ANKRD28: variants seen among roughly 807,000 people sequenced by gnomAD.
ANKRD28 encodes the protein serine/threonine-protein phosphatase 6 regulatory ankyrin repeat subunit A.
Under a neutral mutation model 126.5 loss-of-function variants are expected in ANKRD28, and 44 were observed. That is an observed-to-expected ratio of 0.35 (90% CI 0.27 to 0.45). The LOEUF (loss-of-function observed/expected upper bound fraction) is 0.45. Among genes scored for constraint, ANKRD28 ranks in the 20% least tolerant of loss-of-function variants. The pLI is 1.00. For missense variants in ANKRD28, 1,110 were observed against 1,316.6 expected, an observed-to-expected ratio of 0.84 and a Z score of 2.43; for synonymous variants, 442 against 468.5, an observed-to-expected ratio of 0.94 and a Z score of 0.73.
rs1420499441 is a variant in ANKRD28 at position 15,854,513 on chromosome 3, G to A, written c.27+4864C>T. 1.3e-5 allele frequency among the ~76,000 whole-genome samples: 2 copies of A among 152,172 alleles called. No homozygotes were observed. The highest frequency in any genetic ancestry group is 2.4e-5 in the African/African-American group (1 of 41,444). The stretch of plus-strand genomic sequence containing the variant: ...TCTGCACCTCTTACAGAGCTCACCA[G>A]GTTCTATTTTGTATTGCAAAAGGTA... On this transcript the variant is annotated intron_variant, in intron 1 of 27. Coordinates refer to the ANKRD28 transcript ENST00000399451. This position sits in a 1 kb window ranked among gnomAD's most constrained non-coding sequence, Gnocchi z 4.1.
intron 4 of ANKRD28, among the ~76,000 whole-genome samples, chr3:15,741,871 C>T (rs1015431032): frequency 4.0e-5 from 6 of 151,442 alleles, no homozygotes; most frequent in South Asian, 2.1e-4. Flanking sequence ...CGAGTGCCTG[C>T]GATTGCAGGC....
At chr3:15,754,468 A>G (rs1476719406) in intron 3 of ANKRD28, among the ~76,000 whole-genome samples, 1 of 152,220 alleles carries the variant, frequency 6.6e-6, no homozygotes, top group Non-Finnish European at 1.5e-5. Context: ...GCTTCCTTTA[A>G]GTGAAAAGAT....
chr3:15,673,113 A>G (rs1162531658), intron 27 of ANKRD28, among the ~76,000 whole-genome samples: 2 of 152,198 alleles, frequency 1.3e-5, no homozygotes, highest in African/African-American at 2.4e-5. Context: ...CTTTGCTTAG[A>G]AAGTTCCTCC....
rs560166187 is a variant in ANKRD28 at position 15,667,682 on chromosome 3, G to A, written c.*2588C>T. On this transcript the variant is annotated 3_prime_UTR_variant, in exon 28 of 28. Transcript: ENST00000683139. ...GTACTTTGGGGTTTCCCTTCATTGG[G>A]TGCAGACCAAAGGAAGTGGTTAAGC... is the stretch of plus-strand genomic sequence containing the variant. 3 of 152,174 alleles carry A rather than the reference G, an allele frequency of 2.0e-5. No homozygotes were observed. The highest frequency in any genetic ancestry group is 7.2e-5 in the African/African-American group (3 of 41,432). The allele number at this position is 152,174 out of a possible 1,614,324, so 9.4% of individuals were successfully genotyped here. A position where few individuals can be genotyped will look rare whatever the true frequency, so the allele number is the denominator to read the frequency against.
chr3:15,806,817 C>T (rs765535239), intron 1 of ANKRD28, among the ~76,000 whole-genome samples: 2 of 152,124 alleles, frequency 1.3e-5, no homozygotes, highest in Admixed American at 6.5e-5. Flanking sequence ...CCACCATGTC[C>T]GGCCCATCAT....
intron 1 of ANKRD28, among the ~76,000 whole-genome samples, chr3:15,811,436 G>A (rs2060709038): frequency 6.6e-6 from 1 of 152,122 alleles, no homozygotes; most frequent in South Asian, 2.1e-4. Flanking sequence ...TAGGAGAAAA[G>A]ACAAAATAAT....
chr3:15,799,687 T>C (rs1228803548), upstream of ANKRD28, among the ~76,000 whole-genome samples: 1 of 152,044 alleles, frequency 6.6e-6, no homozygotes, highest in Non-Finnish European at 1.5e-5. Context: ...CTTAACAATC[T>C]TAACTTGTTC....
At position 15,670,352 on chromosome 3, in the gene ANKRD28, C is replaced by T. The variant is rs1232972286; in HGVS notation, c.3170G>A (p.Ser1057Asn). ...CTGTTCCCCTCCAATGTTATTGAAA[C>T]TGCAATAGGAGCTAGGTTCATTCCT... ...IMRNEPSSYC[S>N]FNNIGGEQEY... The change falls in exon 28 of 28, where the codon AGT (serine) becomes AAT (asparagine). Residue 1057 changes from serine (S) to asparagine (N), a missense_variant. Physicochemically the swap from Ser to Asn is conservative, Grantham distance 46. Transcript: ENST00000683139. 6.2e-7 allele frequency: 1 copy of T among 1,613,260 alleles called. No homozygotes were observed. Among genetic ancestry groups the T allele is most frequent in the Non-Finnish European group, 8.5e-7 (1 of 1,179,596 alleles).
chr3:15,711,231 T>G lies in ANKRD28; in HGVS notation c.1317A>C (p.Leu439=), dbSNP rs767602669. 6.2e-7 allele frequency: 1 copy of G among 1,612,840 alleles called. No homozygotes were observed. Among genetic ancestry groups the G allele is most frequent in the East Asian group, 2.2e-5 (1 of 44,806 alleles). Residue 439 remains leucine (L), a synonymous_variant, in exon 12 of 28, where the codon CTA becomes CTC. Coordinates refer to ENST00000683139, the MANE Select transcript of ANKRD28 (RefSeq NM_001349278.2). The stretch of plus-strand genomic sequence containing the variant: ...CATACCCTCCAGCTGCAGCTGCATG[T>G]AGACAAGTCCTGCCAAAATCATCTG... ...DTPDDFGRTC[L]HAAAAGGNLE... is the part of the protein sequence containing the mutation.
chr3:15,774,731 GA>G (rs1297922543), intron 2 of ANKRD28, among the ~76,000 whole-genome samples: 2 of 152,052 alleles, frequency 1.3e-5, no homozygotes, highest in Non-Finnish European at 2.9e-5. Context: ...ATACCATAAA[GA>G]ATTCTGAAAA....
chr3:15,774,845 A>G (rs570063732), intron 2 of ANKRD28, among the ~76,000 whole-genome samples: 8 of 152,360 alleles, frequency 5.3e-5, no homozygotes, highest in African/African-American at 1.7e-4. Context: ...GAGACAACTC[A>G]AAAGAAAAGT....
At chr3:15,818,213 T>A (rs895722036) in intron 1 of ANKRD28, among the ~76,000 whole-genome samples, 3 of 152,154 alleles carry the variant, frequency 2.0e-5, no homozygotes, top group Non-Finnish European at 4.4e-5. Context: ...TGCTGAACCC[T>A]ATATATACTA....
chr3:15,701,450 G>A (rs2070604806), intron 14 of ANKRD28, among the ~76,000 whole-genome samples: 1 of 152,090 alleles, frequency 6.6e-6, no homozygotes, highest in African/African-American at 2.4e-5. Context: ...TTCAAGACCT[G>A]CCTGACCAAC....
chr3:15,669,688 A>C lies in ANKRD28; in HGVS notation c.*582T>G, dbSNP rs1273725195. 6.6e-6 allele frequency: 1 copy of C among 152,604 alleles called. No homozygotes were observed. The highest frequency in any genetic ancestry group is 1.5e-5 in the Non-Finnish European group (1 of 68,056). 9.5% of individuals were successfully genotyped at this position (152,604 alleles called of 1,614,324 possible). On this transcript the variant is annotated 3_prime_UTR_variant, in exon 28 of 28. Transcript: ENST00000683139. ...CAGATGTTTTCTTAAAAAAAAAACA[A>C]AACCCAAAAAAACTCAACATTTAAA...
chr3:15,760,901 A>T (rs1195035423), intron 3 of ANKRD28, among the ~76,000 whole-genome samples: 1 of 152,206 alleles, frequency 6.6e-6, no homozygotes, highest in Admixed American at 6.5e-5. Context: ...ACATCACTTA[A>T]AGGGCCAAGG....
intron 15 of ANKRD28, among the ~76,000 whole-genome samples, chr3:15,695,831 G>A (rs927311557): frequency 3.3e-5 from 5 of 152,094 alleles, no homozygotes; most frequent in African/African-American, 1.2e-4. Context: ...AAAAGACACA[G>A]TTATAGTTTT....
In ANKRD28 at chr3:15,689,921, A is replaced by G; in HGVS notation, c.1963+98T>C. Reference sequence around the variant, plus strand: ...ATGATTTGAAAAAAAAAAAGGTCAAAATTTTAAAGACAATTAACTGGAAAT... The same window carrying G: ...ATGATTTGAAAAAAAAAAAGGTCAAGATTTTAAAGACAATTAACTGGAAAT... On this transcript the variant is annotated intron_variant, in intron 18 of 27. Transcript: ENST00000683139. The G allele has an allele frequency of 3.3e-6, 4 of 1,219,388 alleles. No homozygotes were observed. In the East Asian group the frequency reaches 7.7e-5, roughly 24 times the overall value. The allele number at this position is 1,219,388 out of a possible 1,614,324, so 75.5% of individuals were successfully genotyped here.
chr3:15,722,079 T>A (rs1339541504), intron 7 of ANKRD28, among the ~76,000 whole-genome samples: 2 of 152,084 alleles, frequency 1.3e-5, no homozygotes, highest in African/African-American at 4.8e-5. Context: ...AGGGAATAGT[T>A]TATATGATTA....
At position 15,690,029 on chromosome 3, in the gene ANKRD28, A is replaced by T. The variant is rs13314410; in HGVS notation, c.1953T>A (p.Ile651=). 17,535 of 1,607,734 alleles carry T rather than the reference A, an allele frequency of 0.011. 1,547 individuals carry two copies. The African/African-American group carries it at 0.2, about 18-fold the overall frequency. ...VKDYILKRTP[I]HAAATNGHSE... Reference sequence around the variant, plus strand: ...TAATATCTGGCATACCTGCTGCATGAATAGGTGTCCTCTTCAAAATGTAAT... The same window carrying T: ...TAATATCTGGCATACCTGCTGCATGTATAGGTGTCCTCTTCAAAATGTAAT... Residue 651 remains isoleucine, a synonymous_variant, in exon 18 of 28, where the codon ATT becomes ATA. Transcript: ENST00000683139.
Sources: gnomAD v4.1 joint callset for allele counts (sites outside exome capture counted in the v4.1 genomes callset) on GRCh38, gnomAD v4.1.1 for gene constraint, Gnocchi (gnomAD v3.1) non-coding constraint, MANE v1.5 for transcripts, NCBI Gene and HGNC (gene_info 2026-07-23, HGNC 2026-07-21) for gene names.